NFILZ: variants seen among roughly 807,000 people sequenced by gnomAD.
NFILZ encodes the protein NFIL3 like basic leucine zipper, also known as NFIL3 like protein.
chr19:8,658,415 G>A (rs367653722), intron 3 of NFILZ, among the ~76,000 whole-genome samples: 124 of 152,204 alleles, frequency 8.1e-4, no homozygotes, highest in African/African-American at 2.9e-3. Context: ...ACCAGTAGGG[G>A]CACCTGGTCT....
At chr19:8,662,871 T>G (rs1555749287) in intron 3 of NFILZ, among the ~76,000 whole-genome samples, 2 of 151,872 alleles carry the variant, frequency 1.3e-5, no homozygotes, top group Admixed American at 6.6e-5. Context: ...TCCTGACCTC[T>G]TGATCCGTCT....
At position 8,676,740 on chromosome 19, in the gene NFILZ, C is replaced by CT. The variant is rs1555750745; in HGVS notation, c.-15-6dup. ...TTGCCATTACTCCAAGAACTCTTTC[C>CT]TTTTTCCCAGGTTCTCCAAGCAGCT... On this transcript the variant is annotated splice_polypyrimidine_tract_variant and intron_variant, in intron 5 of 5. Transcript: ENST00000691075. 6.6e-6 allele frequency: 1 copy of CT among 152,416 alleles called. No homozygotes were observed. 9.4% of individuals were successfully genotyped at this position (152,416 alleles called of 1,614,324 possible). A position where few individuals can be genotyped will look rare whatever the true frequency, so the allele number is the denominator to read the frequency against.
At position 8,680,215 on chromosome 19, in the gene NFILZ, G is replaced by GAAAAA. The variant is rs2043139622; in HGVS notation, c.*2580_*2581insAAAAA. On this transcript the variant is annotated 3_prime_UTR_variant, in exon 6 of 6. Coordinates refer to ENST00000691075, the MANE Select transcript of NFILZ (RefSeq NM_001378600.1). Reference sequence around the variant, plus strand: ...CATCTGAAAAAAAAAAAAAAAAAAAGGAAAAAGAAAAAATCCTGTTTCCCT... The same window carrying GAAAAA: ...CATCTGAAAAAAAAAAAAAAAAAAAGAAAAAGAAAAAGAAAAAATCCTGTTTCCCT... 4.1e-5 allele frequency among the ~76,000 whole-genome samples: 1 copy of GAAAAA among 24,516 alleles called. No homozygotes were observed. Among genetic ancestry groups the GAAAAA allele is most frequent in the East Asian group, 3.2e-3 (1 of 312 alleles). The allele number at this position is 24,516 out of a possible 152,430, so 16.1% of individuals were successfully genotyped here.
chr19:8,662,135 G>A (rs1196295211), intron 3 of NFILZ, among the ~76,000 whole-genome samples: 13 of 151,878 alleles, frequency 8.6e-5, no homozygotes, highest in Admixed American at 7.9e-4. Context: ...AACACAGGAG[G>A]GTGAGGCTGC....
intron 3 of NFILZ, among the ~76,000 whole-genome samples, chr19:8,653,837 G>A (rs778546642): frequency 5.3e-5 from 8 of 152,144 alleles, no homozygotes; most frequent in East Asian, 1.9e-4. Context: ...GTTGGGAGGC[G>A]GATGAGGGAT....
At chr19:8,643,639 C>T (rs782311169) in intron 3 of NFILZ, among the ~76,000 whole-genome samples, 17 of 152,274 alleles carry the variant, frequency 1.1e-4, no homozygotes, top group Non-Finnish European at 2.2e-4. Flanking sequence ...GGACATTGAT[C>T]TTCTACCCCT....
At chr19:8,645,234 A>G (rs1188724581) in intron 3 of NFILZ, among the ~76,000 whole-genome samples, 3 of 151,540 alleles carry the variant, frequency 2.0e-5, no homozygotes, top group Non-Finnish European at 2.9e-5. Flanking sequence ...CCTGGGCTCA[A>G]GTGATCCTCC....
At chr19:8,637,921 A>AT (rs1555746251) in intron 3 of NFILZ, among the ~76,000 whole-genome samples, 1 of 149,038 alleles carries the variant, frequency 6.7e-6, no homozygotes, top group East Asian at 2.0e-4. Context: ...TCAAAAAAAA[A>AT]AAAAAAAAAA....
intron 3 of NFILZ, among the ~76,000 whole-genome samples, chr19:8,646,684 T>C (rs1422166690): frequency 1.3e-5 from 2 of 152,176 alleles, no homozygotes; most frequent in African/African-American, 4.8e-5. Flanking sequence ...CTTCCCGTCC[T>C]GTCTCCCACT....
At chr19:8,663,754 G>GTGTGTGTGTATGTGTGTGTATGTGTGTA (rs1568423400) in intron 3 of NFILZ, among the ~76,000 whole-genome samples, 9 of 117,542 alleles carry the variant, frequency 7.7e-5, no homozygotes, top group African/African-American at 1.9e-4. Flanking sequence ...GTGTGTGTGT[G>GTGTGTGTGTATGTGTGTGTATGTGTGTA]TGTGTGTGTG....
intron 3 of NFILZ, among the ~76,000 whole-genome samples, chr19:8,647,741 G>A (rs554715689): frequency 7.3e-6 from 1 of 137,018 alleles, no homozygotes; most frequent in South Asian, 2.2e-4. Flanking sequence ...GACACAGGGA[G>A]GGGAACAACA....
intron 3 of NFILZ, among the ~76,000 whole-genome samples, chr19:8,663,742 G>GTGTGTGTGTA (rs2043046240): frequency 2.4e-5 from 2 of 83,970 alleles, no homozygotes; most frequent in African/African-American, 1.3e-4. Flanking sequence ...GTGTGTGTGT[G>GTGTGTGTGTA]TGTGTGTGTG....
intron 3 of NFILZ, among the ~76,000 whole-genome samples, chr19:8,663,736 G>GTATGTGTGTGTGTA (rs782229587): frequency 7.4e-6 from 1 of 136,036 alleles, no homozygotes; most frequent in Non-Finnish European, 1.6e-5. Flanking sequence ...GTGTGTGTGT[G>GTATGTGTGTGTGTA]TGTGTGTGTG....
chr19:8,673,739 C>G (rs946378520), intron 3 of NFILZ, among the ~76,000 whole-genome samples: 1 of 152,024 alleles, frequency 6.6e-6, no homozygotes, highest in Admixed American at 6.6e-5. Context: ...GCACTGGAGT[C>G]CCTTCTGTGA....
rs1410898088 is a variant in NFILZ at position 8,680,272 on chromosome 19, G to A, written c.*2637G>A. ...TTTGCCCACCAAGGAGCTCAGGGCC[G>A]AGCTTGTGGCTCAGCTATAACAGCA... On this transcript the variant is annotated 3_prime_UTR_variant, in exon 6 of 6. Coordinates refer to ENST00000691075, the MANE Select transcript of NFILZ (RefSeq NM_001378600.1). Among the ~76,000 whole-genome samples the A allele has an allele frequency of 6.6e-6, 1 of 150,764 alleles. No individual in the cohort carries two copies. The highest frequency in any genetic ancestry group is 1.5e-5 in the Non-Finnish European group (1 of 67,874).
rs1210018637 is a variant in NFILZ at position 8,680,918 on chromosome 19, C to T, written c.*3283C>T. Reference sequence around the variant, plus strand: ...GTGTTTTGAGGAAGATTGAGGAGGCCCATGTGGCTGGAGTGGAGTGAGTAA... The same window carrying T: ...GTGTTTTGAGGAAGATTGAGGAGGCTCATGTGGCTGGAGTGGAGTGAGTAA... On this transcript the variant is annotated 3_prime_UTR_variant, in exon 6 of 6. Coordinates refer to ENST00000691075, the MANE Select transcript of NFILZ (RefSeq NM_001378600.1). 6.6e-6 allele frequency among the ~76,000 whole-genome samples: 1 copy of T among 151,712 alleles called. No homozygotes were observed. Among genetic ancestry groups the T allele is most frequent in the African/African-American group, 2.4e-5 (1 of 41,266 alleles).
intron 3 of NFILZ, among the ~76,000 whole-genome samples, chr19:8,644,856 TC>T (rs1467007221): frequency 2.0e-5 from 3 of 151,886 alleles, no homozygotes; most frequent in Non-Finnish European, 4.4e-5. Flanking sequence ...AACCTCCGCT[TC>T]CCTGGTTCAG....
chr19:8,670,253 C>G (rs925663821), intron 3 of NFILZ, among the ~76,000 whole-genome samples: 1 of 152,080 alleles, frequency 6.6e-6, no homozygotes, highest in African/African-American at 2.4e-5. Context: ...AGGTAGAAAC[C>G]ACCACACATG....
At chr19:8,657,611 G>A (rs1600148607) in intron 3 of NFILZ, among the ~76,000 whole-genome samples, 1 of 152,088 alleles carries the variant, frequency 6.6e-6, no homozygotes, top group African/African-American at 2.4e-5. Context: ...GTAGTTAGTG[G>A]GTGAGTGACA....
Sources: gnomAD v4.1 joint callset for allele counts (sites outside exome capture counted in the v4.1 genomes callset) on GRCh38, gnomAD v4.1.1 for gene constraint, MANE v1.5 for transcripts, NCBI Gene and HGNC (gene_info 2026-07-23, HGNC 2026-07-21) for gene names.